Variants in EDARADD observed in about 807,000 individuals in gnomAD.
EDARADD encodes ectodysplasin-A receptor-associated adapter protein.
In EDARADD, 20 loss-of-function variants were observed where a neutral mutation model predicts 25.6. The ratio of observed to expected loss-of-function variants is 0.78; its 90% confidence interval spans 0.55 to 1.14. The LOEUF (loss-of-function observed/expected upper bound fraction) is 1.14. Ranked by LOEUF, EDARADD falls within the 50% of genes most tolerant of loss-of-function variation. EDARADD has a pLI of 0.00. For synonymous variants in EDARADD, 86 were observed against 94.4 expected, an observed-to-expected ratio of 0.91 and a Z score of 0.52; for missense variants, 225 against 270.1, an observed-to-expected ratio of 0.83 and a Z score of 1.17.
At chr1:236,436,778 C>T (rs897182672) in intron 4 of EDARADD, among the ~76,000 whole-genome samples, 3 of 152,046 alleles carry the variant, frequency 2.0e-5, no homozygotes, top group East Asian at 1.9e-4. Flanking sequence ...CCTTGAATCA[C>T]GGCATTTGGT....
In EDARADD at chr1:236,440,576, A is replaced by T. The variant is rs566153014; in HGVS notation, c.219+13126A>T. On this transcript the variant is annotated intron_variant, in intron 4 of 5. Transcript: ENST00000334232. ...TGTTATTGTATTTTGCAGATATTGC[A>T]TTTTTTTTTTTTTACAAATTGAAGG... Among the ~76,000 whole-genome samples the T allele has an allele frequency of 7.9e-3, 1,125 of 142,554 alleles. 12 individuals are homozygous for T. The highest frequency in any genetic ancestry group is 0.023 in the African/African-American group (911 of 39,080). The allele number at this position is 142,554 out of a possible 152,430, so 93.5% of individuals were successfully genotyped here.
intron 4 of EDARADD, among the ~76,000 whole-genome samples, chr1:236,438,029 G>A (rs1658306596): frequency 1.3e-5 from 2 of 152,182 alleles, no homozygotes; most frequent in African/African-American, 2.4e-5. Context: ...TTCCTTCTGA[G>A]GGCTGTGAGG....
intron 1 of EDARADD, among the ~76,000 whole-genome samples, chr1:236,401,236 A>G (rs941331568): frequency 1.3e-5 from 2 of 152,126 alleles, no homozygotes; most frequent in Non-Finnish European, 2.9e-5. Context: ...AACAAATGAG[A>G]AAGAAATTAA....
At chr1:236,460,820 G>GTC (rs1553269600) in intron 4 of EDARADD, among the ~76,000 whole-genome samples, 5 of 147,656 alleles carry the variant, frequency 3.4e-5, no homozygotes, top group Non-Finnish European at 6.0e-5. Context: ...GTTTTGTGGG[G>GTC]TTTTTTTTTT....
intron 3 of EDARADD, among the ~76,000 whole-genome samples, chr1:236,374,102 A>G (rs1667199465): frequency 6.6e-6 from 1 of 152,114 alleles, no homozygotes; most frequent in African/African-American, 2.4e-5. Flanking sequence ...ATCTTGGTGA[A>G]TGTTCATGTG....
chr1:236,368,878 A>G (rs1172800976), intron 3 of EDARADD, among the ~76,000 whole-genome samples: 1 of 152,160 alleles, frequency 6.6e-6, no homozygotes, highest in Non-Finnish European at 1.5e-5. Flanking sequence ...TTGACAATCC[A>G]TGATCCAGCT....
chr1:236,401,992 G>A (rs951258232), intron 1 of EDARADD, among the ~76,000 whole-genome samples: 1 of 152,054 alleles, frequency 6.6e-6, no homozygotes, highest in Admixed American at 6.6e-5. Flanking sequence ...ACCAAGTTTC[G>A]CTCTTGTTGC....
chr1:236,405,870 C>CTTTCTTTCTTTCTTTCTTTCT (rs1558112769), intron 1 of EDARADD, among the ~76,000 whole-genome samples: 1 of 37,516 alleles, frequency 2.7e-5, no homozygotes, highest in African/African-American at 1.2e-4. Flanking sequence ...TCCTTCCTTC[C>CTTTCTTTCTTTCTTTCTTTCT]TTCCTTCTTT....
intron 5 of EDARADD, among the ~76,000 whole-genome samples, chr1:236,469,827 C>A (rs767311220): frequency 3.3e-5 from 5 of 151,714 alleles, no homozygotes; most frequent in Non-Finnish European, 4.4e-5. Flanking sequence ...GAGTTTCGCA[C>A]TCTTGTTGCC....
intron 3 of EDARADD, among the ~76,000 whole-genome samples, chr1:236,357,854 A>G (rs1373986038): frequency 1.3e-5 from 2 of 151,472 alleles, no homozygotes; most frequent in Admixed American, 1.3e-4. Context: ...CCACCTTACA[A>G]GGAAAGTAAC....
chr1:236,465,713 G>A (rs1163484226), intron 4 of EDARADD, among the ~76,000 whole-genome samples: 1 of 152,118 alleles, frequency 6.6e-6, no homozygotes, highest in Non-Finnish European at 1.5e-5. Flanking sequence ...TGCAATATGG[G>A]GGTTTTTACA....
intron 4 of EDARADD, among the ~76,000 whole-genome samples, chr1:236,447,812 T>C (rs965419520): frequency 1.3e-5 from 2 of 152,094 alleles, no homozygotes; most frequent in Admixed American, 6.5e-5. Flanking sequence ...CGACTGCACA[T>C]TGGAATTACT....
chr1:236,356,723 G>A (rs768131657), intron 3 of EDARADD, among the ~76,000 whole-genome samples: 9 of 150,872 alleles, frequency 6.0e-5, no homozygotes, highest in African/African-American at 1.7e-4. Flanking sequence ...CTCTACTACC[G>A]TGTACTTACA....
chr1:236,360,326 A>C (rs1364452443), intron 3 of EDARADD, among the ~76,000 whole-genome samples: 1 of 151,900 alleles, frequency 6.6e-6, no homozygotes, highest in Admixed American at 6.6e-5. Flanking sequence ...TCTTAAAAAA[A>C]AAAAGAAGAA....
intron 1 of EDARADD, among the ~76,000 whole-genome samples, chr1:236,396,556 C>G (rs1667518427): frequency 1.3e-5 from 2 of 152,122 alleles, no homozygotes; most frequent in African/African-American, 2.4e-5. Context: ...TTTGAATGTT[C>G]CATCCTTAAA....
chr1:236,370,395 T>G (rs1215434352), intron 3 of EDARADD, among the ~76,000 whole-genome samples: 1 of 152,080 alleles, frequency 6.6e-6, no homozygotes, highest in African/African-American at 2.4e-5. Flanking sequence ...CACTCCAGCC[T>G]GGGTGACAAA....
upstream of EDARADD, among the ~76,000 whole-genome samples, chr1:236,389,552 T>G (rs1667396503): frequency 6.6e-6 from 1 of 152,234 alleles, no homozygotes; most frequent in African/African-American, 2.4e-5. Flanking sequence ...TGGAATGCTG[T>G]GTCTCTGACA....
intron 3 of EDARADD, among the ~76,000 whole-genome samples, chr1:236,355,463 A>C (rs1397780949): frequency 7.0e-6 from 1 of 142,898 alleles, no homozygotes; most frequent in Non-Finnish European, 1.5e-5. Flanking sequence ...GCTTATTCTT[A>C]CATTTCCCAT....
At chr1:236,409,411 T>G (rs1257178889) in intron 2 of EDARADD, 137 bp downstream of exon 2, 4 of 669,410 alleles carry the variant, frequency 6.0e-6, no homozygotes, top group Non-Finnish European at 1.0e-5. Flanking sequence ...GATAACTGCT[T>G]TATCTTGGTA....
Sources: gnomAD v4.1 joint callset for allele counts (sites outside exome capture counted in the v4.1 genomes callset) on GRCh38, gnomAD v4.1.1 for gene constraint, MANE v1.5 for transcripts, NCBI Gene and HGNC (gene_info 2026-07-23, HGNC 2026-07-21) for gene names.